Variants in RBPMS observed in about 807,000 individuals in gnomAD.
RBPMS encodes the protein RNA-binding protein with multiple splicing.
Under a neutral mutation model 26.8 loss-of-function variants are expected in RBPMS, and 7 were observed. That is an observed-to-expected ratio of 0.26 (90% CI 0.15 to 0.49). RBPMS has a LOEUF of 0.49. Ranked by LOEUF, RBPMS falls within the 20% of genes least tolerant of loss-of-function variation. The pLI, the probability that RBPMS is intolerant of heterozygous loss-of-function variation, is 0.98. For missense variants in RBPMS, 186 were observed against 250.0 expected (o/e 0.74, Z 1.73); for synonymous variants, 96 against 93.3 (o/e 1.03, Z -0.17).
intron 5 of RBPMS, among the ~76,000 whole-genome samples, chr8:30,520,441 A>T (rs149334595): frequency 2.0e-5 from 3 of 152,210 alleles, no homozygotes; most frequent in Non-Finnish European, 4.4e-5. Flanking sequence ...AGTATACCGC[A>T]GTCATTATTC....
intron 4 of RBPMS, among the ~76,000 whole-genome samples, chr8:30,500,129 A>G (rs1359697437): frequency 2.0e-5 from 3 of 152,170 alleles, no homozygotes; most frequent in African/African-American, 7.2e-5. Flanking sequence ...ATTGGATTTT[A>G]TAAATTATAC....
chr8:30,543,357 G>A (rs1392217404), intron 5 of RBPMS, among the ~76,000 whole-genome samples: 1 of 152,192 alleles, frequency 6.6e-6, no homozygotes, highest in African/African-American at 2.4e-5. Flanking sequence ...AGTTTCGGGG[G>A]ATGGGAAGGA....
intron 1 of RBPMS, among the ~76,000 whole-genome samples, chr8:30,423,824 G>GTGTT (rs562757421): frequency 1.5e-5 from 2 of 133,396 alleles, no homozygotes; most frequent in East Asian, 2.0e-4. Flanking sequence ...TGGGTTTTTT[G>GTGTT]TTTTTTTTGT....
intron 5 of RBPMS, among the ~76,000 whole-genome samples, chr8:30,511,511 ATATATATATATATATT>A: frequency 1.4e-4 from 1 of 6,944 alleles, no homozygotes; most frequent in Non-Finnish European, 6.0e-4. Context: ...ATATATATAT[ATATATATATATATATT>A]TCTGTGTGTG....
chr8:30,428,020 CTTTT>C (rs58756060), intron 1 of RBPMS, among the ~76,000 whole-genome samples: 1 of 103,952 alleles, frequency 9.6e-6, no homozygotes, highest in Non-Finnish European at 1.9e-5. Context: ...GAGACCCCAT[CTTTT>C]TTTTTTTTTT....
intron 8 of RBPMS, among the ~76,000 whole-genome samples, chr8:30,570,095 G>A (rs2280912): frequency 0.29 from 43,661 of 152,046 alleles, 6,367 homozygotes; most frequent in Middle Eastern, 0.35. Context: ...AGCTCATCCC[G>A]TACGCTATGT....
chr8:30,507,567 A>G (rs908679456), intron 5 of RBPMS, among the ~76,000 whole-genome samples: 2 of 152,240 alleles, frequency 1.3e-5, no homozygotes, highest in African/African-American at 4.8e-5. Flanking sequence ...TCAAGAAAGT[A>G]GTATACCTAC....
At chr8:30,453,113 A>C (rs529219398) in intron 1 of RBPMS, among the ~76,000 whole-genome samples, 1 of 152,256 alleles carries the variant, frequency 6.6e-6, no homozygotes, top group East Asian at 1.9e-4. Context: ...AGTCCTTGTT[A>C]ACGAGGCAAA....
At chr8:30,545,394 TA>T in intron 6 of RBPMS, 1 of 1,098,864 alleles carries the variant, frequency 9.1e-7, no homozygotes, top group Non-Finnish European at 1.1e-6. Flanking sequence ...GTAATCAGTG[TA>T]AAGATTCACC....
At chr8:30,489,589 C>T (rs968764397) in intron 4 of RBPMS, among the ~76,000 whole-genome samples, 5 of 151,896 alleles carry the variant, frequency 3.3e-5, no homozygotes, top group South Asian at 2.1e-4. Context: ...GGATTACAGG[C>T]GCGCGCCGCC....
rs367566646 is a variant in RBPMS at position 30,537,731 on chromosome 8, G to A, written c.398-6763G>A. The A allele has an allele frequency of 6.8e-6, 3 of 440,940 alleles. No individual in the cohort carries two copies. In the East Asian group the frequency reaches 2.1e-4, roughly 31 times the overall value. The allele number at this position is 440,940 out of a possible 1,614,324, so 27.3% of individuals were successfully genotyped here. A position where few individuals can be genotyped will look rare whatever the true frequency, so the allele number is the denominator to read the frequency against. On this transcript the variant is annotated intron_variant, in intron 5 of 8. Coordinates refer to ENST00000397323, the MANE Select transcript of RBPMS (RefSeq NM_001008710.3). Reference sequence around the variant, plus strand: ...TCTCAGCTTTCTCATAAGGTAAAAGGGGCTCCTGCTAATGTCTCCCATGAG... The same window carrying A: ...TCTCAGCTTTCTCATAAGGTAAAAGAGGCTCCTGCTAATGTCTCCCATGAG...
intron 1 of RBPMS, among the ~76,000 whole-genome samples, chr8:30,454,805 C>T (rs537653386): frequency 3.0e-4 from 45 of 152,118 alleles, no homozygotes; most frequent in Non-Finnish European, 5.1e-4. Context: ...TTCTTAAATT[C>T]TTGGGTTTCT....
intron 6 of RBPMS, chr8:30,556,362 C>T: frequency 2.0e-6 from 2 of 985,670 alleles, no homozygotes; most frequent in Non-Finnish European, 2.4e-6. Context: ...GTCCCCAACC[C>T]TGCAGGCACC....
intron 5 of RBPMS, among the ~76,000 whole-genome samples, chr8:30,528,229 T>C (rs1823812231): frequency 6.6e-6 from 1 of 151,780 alleles, no homozygotes; most frequent in Admixed American, 6.6e-5. Flanking sequence ...TAGTGGTGGA[T>C]TGTGTGTGTG....
chr8:30,559,010 A>G (rs375599869), intron 7 of RBPMS, 54 bp downstream of exon 7: 2 of 1,455,654 alleles, frequency 1.4e-6, no homozygotes, highest in African/African-American at 1.4e-5. Context: ...ACATCTGTAC[A>G]TGGTGGGTGC....
chr8:30,412,691 TGAG>T (rs1216364298), intron 1 of RBPMS, among the ~76,000 whole-genome samples: 2 of 152,216 alleles, frequency 1.3e-5, no homozygotes, highest in East Asian at 1.9e-4. Flanking sequence ...AGTGCTGTAT[TGAG>T]GAGGAGAGAA....
rs1828267442 is a variant in RBPMS, at chr8:30,571,916, ATG to A, written c.*1392_*1393del. 1 of 152,186 alleles carries A rather than the reference ATG, an allele frequency of 6.6e-6. No individual in the cohort carries two copies. The highest frequency in any genetic ancestry group is 2.1e-4 in the South Asian group (1 of 4,832). 9.4% of individuals were successfully genotyped at this position (152,186 alleles called of 1,614,324 possible). A position where few individuals can be genotyped will look rare whatever the true frequency, so the allele number is the denominator to read the frequency against. ...GGCTTATGTTGAAAATTTCAATGTC[ATG>A]ATTACCTGGTTGGTTTGGGTTTTTG... is the stretch of plus-strand genomic sequence containing the variant. On this transcript the variant is annotated 3_prime_UTR_variant, in exon 9 of 9. Transcript: ENST00000397323.
intron 1 of RBPMS, among the ~76,000 whole-genome samples, chr8:30,454,400 A>G (rs1023806922): frequency 6.6e-6 from 1 of 152,218 alleles, no homozygotes; most frequent in African/African-American, 2.4e-5. Context: ...ACCGTCATGA[A>G]GTACATTAGG....
chr8:30,457,450 T>A (rs1040687832), intron 1 of RBPMS, among the ~76,000 whole-genome samples: 1 of 152,214 alleles, frequency 6.6e-6, no homozygotes, highest in African/African-American at 2.4e-5. Flanking sequence ...TTAATTTGTT[T>A]AGTGATATGC....
Sources: gnomAD v4.1 joint callset for allele counts (sites outside exome capture counted in the v4.1 genomes callset) on GRCh38, gnomAD v4.1.1 for gene constraint, MANE v1.5 for transcripts, NCBI Gene and HGNC (gene_info 2026-07-23, HGNC 2026-07-21) for gene names.